GTF2A1L: variants seen among roughly 807,000 people sequenced by gnomAD.
GTF2A1L encodes general transcription factor IIA subunit 1 like.
A neutral mutation model predicts 49.7 loss-of-function variants in GTF2A1L; 48 were observed. That is an observed-to-expected ratio of 0.97 (90% confidence interval 0.77 to 1.23). The LOEUF is 1.23. Among genes scored for constraint, GTF2A1L ranks in the 50% most tolerant of loss-of-function variants. The pLI is 0.00. For missense variants in GTF2A1L, 736 were observed against 564.8 expected, an observed-to-expected ratio of 1.30 and a Z score of -3.07; for synonymous variants, 246 against 193.5, an observed-to-expected ratio of 1.27 and a Z score of -2.25.
intron 3 of GTF2A1L, 39 bp from the exon 4 acceptor site, chr2:48,642,363 A>G: frequency 6.7e-7 from 1 of 1,496,310 alleles, no homozygotes; most frequent in Non-Finnish European, 9.0e-7. Context: ...TAAATTGGTA[A>G]ATTCTAATGA....
intron 6 of GTF2A1L, among the ~76,000 whole-genome samples, 183 bp from the exon 7 acceptor site, chr2:48,669,539 T>A (rs570180107): frequency 6.6e-6 from 1 of 152,308 alleles, no homozygotes; most frequent in Admixed American, 6.5e-5. Context: ...ATTTAAAAAA[T>A]TATTCCTATG....
rs754171865 is a variant in GTF2A1L, at chr2:48,669,803, G to C, written c.1060G>C (p.Asp354His). 2 of 1,613,996 alleles carry C rather than the reference G, an allele frequency of 1.2e-6. No individual in the cohort carries two copies. Residue 354 changes from aspartate to histidine, a missense_variant, in exon 7 of 9, where the codon GAT becomes CAT. By Grantham distance (81) the Asp-to-His change is moderately conservative. Coordinates refer to ENST00000403751, the MANE Select transcript of GTF2A1L (RefSeq NM_006872.5). The part of the protein sequence containing the change: ...GEIIQVDGSG[D>H]TSSNEEIGST... ...AATAATTCAAGTAGATGGAAGCGGT[G>C]ATACATCTTCCAATGAAGAAATAGG...
chr2:48,636,768 G>A (rs1168263057), intron 3 of GTF2A1L, among the ~76,000 whole-genome samples: 1 of 152,018 alleles, frequency 6.6e-6, no homozygotes, highest in Non-Finnish European at 1.5e-5. Flanking sequence ...GAGACAAATG[G>A]GGTTCTATTA....
chr2:48,669,735 A>C lies in GTF2A1L; in HGVS notation c.992A>C (p.Gln331Pro). ...TTCTCTTTTTAGGATTCTAATTCTC[A>C]GGTGGATTTAAGCATTCGGGTTACT... ...IPVSEKDSNS[Q>P]VDLSIRVTDD... Residue 331 changes from glutamine (Q) to proline (P), a missense_variant, in exon 7 of 9, where the codon CAG (glutamine) becomes CCG (proline). By Grantham distance (76) the Gln-to-Pro change is moderately conservative. Transcript: ENST00000403751. The C allele has an allele frequency of 6.2e-7, 1 of 1,608,408 alleles. No individual in the cohort carries two copies. Among genetic ancestry groups the C allele is most frequent in the South Asian group, 1.1e-5 (1 of 90,314 alleles).
chr2:48,646,457 C>G lies in GTF2A1L; in HGVS notation c.393C>G (p.His131Gln). The G allele has an allele frequency of 6.3e-7, 1 of 1,593,426 alleles. No individual in the cohort carries two copies. The highest frequency in any genetic ancestry group is 8.5e-7 in the Non-Finnish European group (1 of 1,173,256). The change falls in exon 6 of 9, where the codon CAC (histidine) becomes CAG (glutamine). Residue 131 changes from histidine to glutamine, a missense_variant. By Grantham distance (24) the His-to-Gln change is conservative. Coordinates refer to ENST00000403751, the MANE Select transcript of GTF2A1L (RefSeq NM_006872.5). ...TTTTGCTTTCTCCTTTTTAAGGTCA[C>G]CTTTATAAAGTCAATGTACCAATTA... ...AGVTLQTVSG[H>Q]LYKVNVPIMV...
intron 3 of GTF2A1L, among the ~76,000 whole-genome samples, chr2:48,642,161 A>C (rs1167279800): frequency 2.6e-5 from 4 of 152,178 alleles, no homozygotes; most frequent in Admixed American, 6.5e-5. Context: ...AGTACAGTAT[A>C]GTTGATTACA....
In GTF2A1L at chr2:48,679,003, G is replaced by A. The variant is rs188312798; in HGVS notation, c.1330-332G>A. Reference sequence around the variant, plus strand: ...TTAATATTCTACATAATTTACTTATGTATTAGGTTTCTGTCCTTCCCTATT... The same window carrying A: ...TTAATATTCTACATAATTTACTTATATATTAGGTTTCTGTCCTTCCCTATT... On this transcript the variant is annotated intron_variant, in intron 8 of 8. Transcript: ENST00000403751. Among the ~76,000 whole-genome samples, 55 of 151,684 alleles carry A rather than the reference G, an allele frequency of 3.6e-4. No individual in the cohort carries two copies. The South Asian group carries it at 4.2e-3, about 11-fold the overall frequency.
intron 4 of GTF2A1L, 76 bp downstream of exon 4, chr2:48,642,533 G>C: frequency 7.3e-7 from 1 of 1,371,466 alleles, no homozygotes; most frequent in Non-Finnish European, 1.0e-6. Context: ...GCTGAACATA[G>C]ATGTAATTTC....
chr2:48,677,671 C>G (rs13022990), intron 8 of GTF2A1L, among the ~76,000 whole-genome samples: 11,152 of 151,936 alleles, frequency 0.073, 484 homozygotes, highest in Non-Finnish European at 0.1. Context: ...TGTCAGGGAA[C>G]AAGGGTAAAA....
intron 6 of GTF2A1L, among the ~76,000 whole-genome samples, chr2:48,664,143 A>G (rs550934406): frequency 1.3e-5 from 2 of 152,110 alleles, no homozygotes; most frequent in East Asian, 1.9e-4. Flanking sequence ...GGCTTATTGC[A>G]CTGACTAGGA....
rs547075484 is a variant in GTF2A1L, at chr2:48,673,134, T to TA, written c.1329+1461dup. Among the ~76,000 whole-genome samples the TA allele has an allele frequency of 4.2e-3, 638 of 152,292 alleles. 10 individuals carry two copies. The highest frequency in any genetic ancestry group is 0.015 in the African/African-American group (614 of 41,570). On this transcript the variant is annotated intron_variant, in intron 8 of 8. Coordinates refer to ENST00000403751, the MANE Select transcript of GTF2A1L (RefSeq NM_006872.5). ...TAACATATATCACGTCTTCGTTTTT[T>TA]AAAAAAATTGCTGAATAATAGTCTA... is the stretch of plus-strand genomic sequence containing the variant.
Position 48,621,283 on chromosome 2 carries a change from G to C in GTF2A1L, c.240G>C (p.Ser80=). The stretch of plus-strand genomic sequence containing the variant: ...ACAGCTTGCACCAAACATTGCAATC[G>C]TCAACAGGTTGGATACCATTAGTAA... ...LPHSLHQTLQ[S]STASLVIPAG... Residue 80 remains serine, a synonymous_variant, in exon 3 of 9, where the codon TCG becomes TCC. Transcript: ENST00000403751. 6.2e-7 allele frequency: 1 copy of C among 1,613,928 alleles called. No individual in the cohort carries two copies. Among genetic ancestry groups the C allele is most frequent in the South Asian group, 1.1e-5 (1 of 91,064 alleles).
At chr2:48,623,630 A>G (rs142502638) in intron 3 of GTF2A1L, among the ~76,000 whole-genome samples, 2 of 152,364 alleles carry the variant, frequency 1.3e-5, no homozygotes, top group East Asian at 3.9e-4. Flanking sequence ...TTATTGCAGT[A>G]CTACTCACAT....
At chr2:48,642,918 A>G (rs931483113) in intron 4 of GTF2A1L, among the ~76,000 whole-genome samples, 2 of 151,974 alleles carry the variant, frequency 1.3e-5, no homozygotes, top group Non-Finnish European at 2.9e-5. Flanking sequence ...TGTAGCATAG[A>G]TGTAATAAAA....
intron 6 of GTF2A1L, among the ~76,000 whole-genome samples, chr2:48,651,183 A>G (rs1316883700): frequency 7.9e-5 from 12 of 152,118 alleles, no homozygotes; most frequent in Non-Finnish European, 5.9e-5. Flanking sequence ...AATATTGGAC[A>G]TTATTGAGCT....
At chr2:48,654,572 C>T (rs888610813) in intron 6 of GTF2A1L, among the ~76,000 whole-genome samples, 8 of 152,130 alleles carry the variant, frequency 5.3e-5, no homozygotes, top group African/African-American at 1.7e-4. Context: ...TTAGTACAGA[C>T]AGGGTTTCAC....
chr2:48,652,508 C>A (rs186364623), intron 6 of GTF2A1L, among the ~76,000 whole-genome samples: 1 of 150,826 alleles, frequency 6.6e-6, no homozygotes, highest in Non-Finnish European at 1.5e-5. Context: ...CCCAGCTACT[C>A]GGGATCTGAG....
intron 8 of GTF2A1L, among the ~76,000 whole-genome samples, chr2:48,672,790 G>A (rs1679243645): frequency 6.6e-6 from 1 of 152,148 alleles, no homozygotes; most frequent in Non-Finnish European, 1.5e-5. Flanking sequence ...AATGAACATA[G>A]TATACAATTC....
In GTF2A1L at chr2:48,621,288, C is replaced by T. The variant is rs756676206; in HGVS notation, c.245C>T (p.Thr82Ile). Residue 82 changes from threonine to isoleucine, a missense_variant and splice_region_variant, in exon 3 of 9, where the codon ACA (threonine) becomes ATA (isoleucine). Transcript: ENST00000403751. ...TTGCACCAAACATTGCAATCGTCAA[C>T]AGGTTGGATACCATTAGTAAATGAG... The part of the protein sequence containing the change: ...HSLHQTLQSS[T>I]ASLVIPAGRT... The T allele has an allele frequency of 6.2e-7, 1 of 1,614,080 alleles. No individual in the cohort carries two copies. Among genetic ancestry groups the T allele is most frequent in the South Asian group, 1.1e-5 (1 of 91,074 alleles).
Sources: allele counts gnomAD v4.1 joint callset (sites outside exome capture counted in the v4.1 genomes callset), GRCh38; gene constraint gnomAD v4.1.1; transcripts MANE v1.5; gene names NCBI Gene and HGNC (gene_info 2026-07-23, HGNC 2026-07-21).